Variants in SYN3 observed in about 807,000 individuals in gnomAD.
The protein encoded by SYN3 is synapsin III, also known as synapsin-3.
Under a neutral mutation model 65.8 loss-of-function variants are expected in SYN3, and 35 were observed. The observed-to-expected ratio is 0.53, with a 90% confidence interval of 0.41 to 0.70. The LOEUF (loss-of-function observed/expected upper bound fraction) is 0.70, where lower values mean the gene tolerates loss of function less well. SYN3 is among the 30% of genes least tolerant of loss of function. The pLI is 0.00. For synonymous variants in SYN3, 270 were observed against 292.9 expected (o/e 0.92, Z 0.80); for missense variants, 680 against 749.0 (o/e 0.91, Z 1.08).
At chr22:32,878,463 C>G (rs984139228) in intron 4 of SYN3, among the ~76,000 whole-genome samples, 1 of 152,172 alleles carries the variant, frequency 6.6e-6, no homozygotes, top group African/African-American at 2.4e-5. Flanking sequence ...AAATCCTCAA[C>G]ACAAGTCCTT....
intron 6 of SYN3, among the ~76,000 whole-genome samples, chr22:32,824,381 C>T (rs1039372489): frequency 6.6e-6 from 1 of 151,226 alleles, no homozygotes; most frequent in Non-Finnish European, 1.5e-5. Context: ...TGTCAAGTAC[C>T]CTCAGGTTGA....
intron 1 of SYN3, among the ~76,000 whole-genome samples, chr22:33,030,508 G>A (rs1459502748): frequency 6.6e-6 from 1 of 152,036 alleles, no homozygotes; most frequent in Non-Finnish European, 1.5e-5. Flanking sequence ...GAGACACAGA[G>A]AGATAAGGCA....
At chr22:32,599,157 T>C (rs115394925) in intron 6 of SYN3, among the ~76,000 whole-genome samples, 1,771 of 152,276 alleles carry the variant, frequency 0.012, 34 homozygotes, top group African/African-American at 0.04. Context: ...TCTTGCTCTT[T>C]CCACTTAATA....
chr22:32,669,085 T>C (rs1228275754), intron 6 of SYN3, among the ~76,000 whole-genome samples: 1 of 152,228 alleles, frequency 6.6e-6, no homozygotes, highest in Non-Finnish European at 1.5e-5. Context: ...AATCTATATT[T>C]TGCAGATACA....
At position 33,058,279 on chromosome 22, in the gene SYN3, C is replaced by A. The variant is rs1020056474; in HGVS notation, c.-163+13G>T. On this transcript the variant is annotated intron_variant, in intron 1 of 13. Transcript: ENST00000358763. ...ACCCCACAAAGTCTACTTTGCGGCG[C>A]CGCGCCGCTTACCGTGCGAGCCGCC... 6.6e-6 allele frequency: 1 copy of A among 151,962 alleles called. No homozygotes were observed. The highest frequency in any genetic ancestry group is 2.4e-5 in the African/African-American group (1 of 41,434). The allele number at this position is 151,962 out of a possible 1,614,324, so 9.4% of individuals were successfully genotyped here. A position where few individuals can be genotyped will look rare whatever the true frequency, so the allele number is the denominator to read the frequency against.
At chr22:32,937,310 A>G (rs562963418) in intron 3 of SYN3, among the ~76,000 whole-genome samples, 5 of 152,342 alleles carry the variant, frequency 3.3e-5, no homozygotes, top group African/African-American at 9.6e-5. Context: ...AAAAATTATA[A>G]TATCTGAAAT....
intron 7 of SYN3, among the ~76,000 whole-genome samples, chr22:32,559,772 G>A (rs1428605913): frequency 2.6e-5 from 4 of 151,550 alleles, no homozygotes. Context: ...AGAGCTTGCA[G>A]TGTGCCCAGA....
chr22:32,999,855 G>A (rs1053716555), intron 2 of SYN3, among the ~76,000 whole-genome samples: 3 of 152,112 alleles, frequency 2.0e-5, no homozygotes, highest in African/African-American at 7.2e-5. Flanking sequence ...GGGCAGGCAG[G>A]AGCAAAGTGA....
rs201500992 is a variant in SYN3, at chr22:32,547,273, C to G, written c.775-5560G>C. On this transcript the variant is annotated intron_variant, in intron 7 of 13. Coordinates refer to ENST00000358763, the MANE Select transcript of SYN3 (RefSeq NM_003490.4). ...GTGCTGGGATTACAGGCATGAGTCA[C>G]CATGCCCGGCCACTCTTCCTTTTGC... Among the ~76,000 whole-genome samples the G allele has an allele frequency of 3.9e-5, 6 of 152,228 alleles. No homozygotes were observed. In the East Asian group the frequency reaches 7.7e-4, roughly 20 times the overall value.
At chr22:32,897,762 C>T (rs990314966) in intron 4 of SYN3, among the ~76,000 whole-genome samples, 5 of 152,112 alleles carry the variant, frequency 3.3e-5, no homozygotes, top group Admixed American at 1.3e-4. Context: ...ATGTAGTGAG[C>T]GCATGATGAA....
intron 7 of SYN3, among the ~76,000 whole-genome samples, chr22:32,576,223 G>C (rs761731135): frequency 5.9e-5 from 9 of 152,120 alleles, no homozygotes; most frequent in Non-Finnish European, 1.3e-4. Flanking sequence ...TCCCACAGTG[G>C]GGAAGAGATA....
chr22:32,782,515 CTTTTTTTTTTT>C, intron 6 of SYN3, among the ~76,000 whole-genome samples: 2 of 124,156 alleles, frequency 1.6e-5, no homozygotes, highest in African/African-American at 6.0e-5. Flanking sequence ...CCTTGTAATT[CTTTTTTTTTTT>C]TTTTTTTTTG....
At chr22:33,030,660 CAG>C (rs567060689) in intron 1 of SYN3, among the ~76,000 whole-genome samples, 18 of 145,578 alleles carry the variant, frequency 1.2e-4, no homozygotes, top group East Asian at 2.0e-4. Flanking sequence ...CTGATAGAGA[CAG>C]AGAGAGAGAG....
intron 4 of SYN3, among the ~76,000 whole-genome samples, chr22:32,928,590 G>A (rs1407212021): frequency 1.3e-5 from 2 of 152,184 alleles, no homozygotes; most frequent in African/African-American, 2.4e-5. Flanking sequence ...GGGACCATCT[G>A]TAATCTGCCT....
At chr22:32,961,576 A>G (rs1422543560) in intron 3 of SYN3, among the ~76,000 whole-genome samples, 2 of 152,238 alleles carry the variant, frequency 1.3e-5, no homozygotes, top group African/African-American at 4.8e-5. Context: ...ATCCTGTTTA[A>G]GTAGCCTCGT....
intron 3 of SYN3, among the ~76,000 whole-genome samples, chr22:32,960,106 G>A (rs529256166): frequency 1.4e-4 from 21 of 152,196 alleles, no homozygotes; most frequent in Non-Finnish European, 2.6e-4. Flanking sequence ...GTCTTTCATT[G>A]TCTGTATTCT....
In SYN3 at chr22:32,527,986, G is replaced by A. The variant is rs483352708; in HGVS notation, c.1250C>T (p.Ala417Val). The A allele has an allele frequency of 1.9e-6, 3 of 1,585,158 alleles. No homozygotes were observed. Among genetic ancestry groups the A allele is most frequent in the Admixed American group, 1.8e-5 (1 of 56,718 alleles). ...LRPWAPQIKS[A>V]KSPGQAQLGP... Reference sequence around the variant, plus strand: ...CAGCTGGGCTTGCCCTGGGGATTTCGCTGATTTAATCTGTGGAGCCTAGAG... The same window carrying A: ...CAGCTGGGCTTGCCCTGGGGATTTCACTGATTTAATCTGTGGAGCCTAGAG... The change falls in exon 12 of 14, where the codon GCG becomes GTG. Residue 417 changes from alanine to valine, a missense_variant. Transcript: ENST00000358763.
At position 32,640,075 on chromosome 22, in the gene SYN3, C is replaced by A. The variant is rs75484103; in HGVS notation, c.712-43339G>T. 1.5e-3 allele frequency among the ~76,000 whole-genome samples: 235 copies of A among 152,302 alleles called. 3 individuals carry two copies. In the East Asian group the frequency reaches 0.038, roughly 25 times the overall value. ...CCACTCTTGCCTATTTACCTTTGCACCTGCTTTCCTCCAACTGAAATGCTT... is the reference window on the plus strand; with the variant it reads ...CCACTCTTGCCTATTTACCTTTGCAACTGCTTTCCTCCAACTGAAATGCTT... On this transcript the variant is annotated intron_variant, in intron 6 of 13. Coordinates refer to ENST00000358763, the MANE Select transcript of SYN3 (RefSeq NM_003490.4).
At chr22:32,692,333 GGGGAAGCCCT>G (rs1195933271) in intron 6 of SYN3, among the ~76,000 whole-genome samples, 1 of 152,126 alleles carries the variant, frequency 6.6e-6, no homozygotes, top group Non-Finnish European at 1.5e-5. Flanking sequence ...CCTGGGAGGT[GGGGAAGCCCT>G]GGGAAGCCAC....
Sources: gnomAD v4.1 joint callset for allele counts (sites outside exome capture counted in the v4.1 genomes callset) on GRCh38, gnomAD v4.1.1 for gene constraint, MANE v1.5 for transcripts, NCBI Gene and HGNC (gene_info 2026-07-23, HGNC 2026-07-21) for gene names.